ZBTB38: variants seen among roughly 807,000 people sequenced by gnomAD.
The protein encoded by ZBTB38 is zinc finger and BTB domain containing 38, also known as zinc finger and BTB domain-containing protein 38.
Under a neutral mutation model 76.8 loss-of-function variants are expected in ZBTB38, and 20 were observed. The ratio of observed to expected loss-of-function variants is 0.26; its 90% CI spans 0.18 to 0.38. ZBTB38 has a LOEUF of 0.38. Among genes scored for constraint, ZBTB38 ranks in the 10% least tolerant of loss-of-function variants. ZBTB38 has a pLI of 1.00. For missense variants in ZBTB38, 1,082 were observed against 1,482.3 expected (o/e 0.73, Z 4.43); for synonymous variants, 504 against 544.2 (o/e 0.93, Z 1.03).
intron 2 of ZBTB38, among the ~76,000 whole-genome samples, chr3:141,371,294 G>T (rs1251445552): frequency 1.3e-5 from 2 of 151,582 alleles, no homozygotes; most frequent in African/African-American, 4.9e-5. Context: ...CTCGTGATCT[G>T]CCGGCCTTGG....
intron 5 of ZBTB38, chr3:141,427,650 T>A (rs2076648560): frequency 6.6e-6 from 1 of 152,366 alleles, no homozygotes; most frequent in Admixed American, 6.5e-5. Flanking sequence ...CTTGCCTCCA[T>A]CATGGAGGAG....
At chr3:141,327,917 C>T (rs1010258059) in intron 1 of ZBTB38, among the ~76,000 whole-genome samples, 1 of 152,188 alleles carries the variant, frequency 6.6e-6, no homozygotes, top group Non-Finnish European at 1.5e-5. Context: ...TCTGTGTCTT[C>T]CAATCTTTCC....
At chr3:141,385,549 C>T (rs1259613946) in intron 3 of ZBTB38, among the ~76,000 whole-genome samples, 1 of 151,796 alleles carries the variant, frequency 6.6e-6, no homozygotes, top group Non-Finnish European at 1.5e-5. Flanking sequence ...GCAGCAAAAC[C>T]GTATTTGCTT....
At chr3:141,370,929 A>G (rs1944458258) in intron 2 of ZBTB38, among the ~76,000 whole-genome samples, 2 of 151,978 alleles carry the variant, frequency 1.3e-5, no homozygotes, top group African/African-American at 4.8e-5. Flanking sequence ...GGCTTTGGAA[A>G]TGTATCCTAC....
At chr3:141,406,624 G>A (rs2149710464) in intron 5 of ZBTB38, among the ~76,000 whole-genome samples, 1 of 152,316 alleles carries the variant, frequency 6.6e-6, no homozygotes, top group South Asian at 2.1e-4. Context: ...ATAAGAAAAA[G>A]TCAAGAGATG....
chr3:141,347,443 T>C lies in ZBTB38; in HGVS notation c.-738-21178T>C, dbSNP rs373554751. Among the ~76,000 whole-genome samples, 4 of 152,348 alleles carry C rather than the reference T, an allele frequency of 2.6e-5. No individual in the cohort carries two copies. In the South Asian group the frequency reaches 8.3e-4, roughly 32 times the overall value. ...GGCATGTACACATATATTTCTATAA[T>C]ATATAGTCTCTTAGCATATGTTTAA... is the stretch of plus-strand genomic sequence containing the variant. On this transcript the variant is annotated intron_variant, in intron 1 of 7. Transcript: ENST00000509842.
intron 1 of ZBTB38, among the ~76,000 whole-genome samples, chr3:141,348,628 C>T (rs1160747092): frequency 6.6e-6 from 1 of 152,138 alleles, no homozygotes; most frequent in Admixed American, 6.5e-5. Context: ...CTCCTTTTCT[C>T]GTCTTACTCA....
In ZBTB38 at chr3:141,440,404, A is replaced by G. The variant is rs60979928; in HGVS notation, c.1-1985A>G. On this transcript the variant is annotated intron_variant, in intron 5 of 5. Coordinates refer to ENST00000321464, the MANE Select transcript of ZBTB38 (RefSeq NM_001376113.1). ...GGACACTAAATAACATAATAGTCAC[A>G]GCTTATAATAGCAGCTTTACAAAAA... Among the ~76,000 whole-genome samples the G allele has an allele frequency of 1.5e-3, 221 of 152,376 alleles. 2 individuals are homozygous for G. Among genetic ancestry groups the G allele is most frequent in the African/African-American group, 5.0e-3 (206 of 41,590 alleles).
chr3:141,416,074 A>G (rs2073972400), intron 5 of ZBTB38, among the ~76,000 whole-genome samples: 2 of 152,132 alleles, frequency 1.3e-5, no homozygotes, highest in South Asian at 4.1e-4. Flanking sequence ...AACTTCTTTA[A>G]TGTTCATGGC....
rs145317022 is a variant in ZBTB38, at chr3:141,422,782, C to G, written c.-1+18751C>G. ...AGGGCTCCCCAAAACAATATAGTCA[C>G]TTAATTTTGTGTCTGTTAACACACA... On this transcript the variant is annotated intron_variant, in intron 5 of 5. Transcript: ENST00000321464. Among the ~76,000 whole-genome samples, 1,336 of 152,234 alleles carry G rather than the reference C, an allele frequency of 8.8e-3. 14 individuals are homozygous for G. Among genetic ancestry groups the G allele is most frequent in the African/African-American group, 0.031 (1,271 of 41,516 alleles).
chr3:141,400,653 C>T (rs1421374190), intron 4 of ZBTB38, among the ~76,000 whole-genome samples: 1 of 152,128 alleles, frequency 6.6e-6, no homozygotes, highest in African/African-American at 2.4e-5. Flanking sequence ...ACTCTGAATA[C>T]TTAACTTCCA....
intron 2 of ZBTB38, among the ~76,000 whole-genome samples, chr3:141,378,039 A>G (rs1945641339): frequency 6.6e-6 from 1 of 152,090 alleles, no homozygotes; most frequent in African/African-American, 2.4e-5. Flanking sequence ...CTAGCGGGAT[A>G]TGTGGGCGTG....
chr3:141,343,887 G>A (rs1229702516), intron 1 of ZBTB38, among the ~76,000 whole-genome samples: 1 of 152,170 alleles, frequency 6.6e-6, no homozygotes, highest in Non-Finnish European at 1.5e-5. Context: ...ACACGGATGA[G>A]GACACCATTC....
intron 1 of ZBTB38, among the ~76,000 whole-genome samples, chr3:141,328,311 A>G (rs1210675388): frequency 6.6e-6 from 1 of 152,096 alleles, no homozygotes; most frequent in Admixed American, 6.5e-5. Context: ...CTAGAGATAG[A>G]TCCACTTGTC....
At chr3:141,426,564 C>T (rs972681061) in intron 5 of ZBTB38, among the ~76,000 whole-genome samples, 4 of 152,086 alleles carry the variant, frequency 2.6e-5, no homozygotes, top group African/African-American at 7.2e-5. Context: ...AGGAAGTGAC[C>T]GGTGAATGCA....
chr3:141,434,571 A>C (rs923765641), intron 5 of ZBTB38, among the ~76,000 whole-genome samples: 1 of 152,220 alleles, frequency 6.6e-6, no homozygotes, highest in Non-Finnish European at 1.5e-5. Context: ...AGTTCATTTC[A>C]GTCATCAAAA....
At position 141,441,499 on chromosome 3, in the gene ZBTB38, G is replaced by A. The variant is rs536863196; in HGVS notation, c.1-890G>A. ...CCTAGTCTACTTTGTCTCTACTAAA[G>A]GGGAAACTAGAAAAGGAACCTGATG... On this transcript the variant is annotated intron_variant, in intron 5 of 5. Transcript: ENST00000321464. Among the ~76,000 whole-genome samples the A allele has an allele frequency of 3.3e-5, 5 of 152,300 alleles. No homozygotes were observed. The East Asian group carries it at 9.6e-4, about 29-fold the overall frequency.
At chr3:141,432,180 A>C in intron 5 of ZBTB38, 1 of 985,496 alleles carries the variant, frequency 1.0e-6, no homozygotes, top group Non-Finnish European at 1.2e-6. Flanking sequence ...AGTAGATTTC[A>C]CTTTGATATG....
chr3:141,415,865 G>T (rs2073914326), intron 5 of ZBTB38, among the ~76,000 whole-genome samples: 1 of 152,112 alleles, frequency 6.6e-6, no homozygotes, highest in Non-Finnish European at 1.5e-5. Context: ...TGACCTTCTG[G>T]CCTTGGAAAC....
Sources: gnomAD v4.1 joint callset for allele counts (sites outside exome capture counted in the v4.1 genomes callset) on GRCh38, gnomAD v4.1.1 for gene constraint, MANE v1.5 for transcripts, NCBI Gene and HGNC (gene_info 2026-07-23, HGNC 2026-07-21) for gene names.